FAF1: variants seen among roughly 807,000 people sequenced by gnomAD.
FAF1 encodes the protein FAS-associated factor 1.
In FAF1, 25 loss-of-function variants were observed where a neutral mutation model predicts 92.5. The observed-to-expected ratio is 0.27, with a 90% CI of 0.20 to 0.38. FAF1 has a LOEUF of 0.38. Ranked by LOEUF, FAF1 falls within the 10% of genes least tolerant of loss-of-function variation. The pLI, the probability that FAF1 is intolerant of heterozygous loss-of-function variation, is 1.00. For missense variants in FAF1, 636 were observed against 793.3 expected (o/e 0.80, Z 2.38); for synonymous variants, 234 against 273.2 (o/e 0.86, Z 1.42).
intron 17 of FAF1, among the ~76,000 whole-genome samples, chr1:50,481,725 T>G (rs952582991): frequency 6.6e-6 from 1 of 152,186 alleles, no homozygotes; most frequent in Non-Finnish European, 1.5e-5. Context: ...GGGTAAAATT[T>G]TAAATACTGT....
At chr1:50,801,821 C>T (rs2124592969) in intron 2 of FAF1, 144 bp from the exon 3 acceptor site, 2 of 551,976 alleles carry the variant, frequency 3.6e-6, no homozygotes, top group Non-Finnish European at 6.5e-6. Context: ...AAAATGTTGT[C>T]TATTAAATGT....
intron 8 of FAF1, among the ~76,000 whole-genome samples, chr1:50,613,335 A>C (rs377228131): frequency 2.6e-4 from 39 of 152,342 alleles, no homozygotes; most frequent in African/African-American, 8.2e-4. Flanking sequence ...TAAAACTACC[A>C]ATCAAAATAT....
chr1:50,775,262 C>T (rs982942911), intron 4 of FAF1, among the ~76,000 whole-genome samples: 1 of 151,890 alleles, frequency 6.6e-6, no homozygotes, highest in African/African-American at 2.4e-5. Flanking sequence ...TTTATTGAGC[C>T]ATTTGTTTCC....
chr1:50,562,378 C>G (rs958256663), intron 13 of FAF1, among the ~76,000 whole-genome samples: 1 of 152,086 alleles, frequency 6.6e-6, no homozygotes, highest in Non-Finnish European at 1.5e-5. Context: ...ATTAGCTAGC[C>G]AGCTCCCTCT....
intron 13 of FAF1, among the ~76,000 whole-genome samples, chr1:50,544,667 C>T (rs1024687907): frequency 6.6e-6 from 1 of 152,066 alleles, no homozygotes; most frequent in African/African-American, 2.4e-5. Context: ...GGGTAAACTC[C>T]AATCTGATCT....
chr1:50,891,681 TG>T (rs1219937117), intron 1 of FAF1, among the ~76,000 whole-genome samples: 3 of 152,242 alleles, frequency 2.0e-5, no homozygotes, highest in Non-Finnish European at 4.4e-5. Flanking sequence ...CGAATACTGC[TG>T]AACAGCAAAT....
intron 1 of FAF1, among the ~76,000 whole-genome samples, chr1:50,884,565 T>G (rs1188805322): frequency 6.6e-6 from 1 of 151,996 alleles, no homozygotes; most frequent in Non-Finnish European, 1.5e-5. Flanking sequence ...ACAAGCAGAT[T>G]TACTTGTGTA....
At chr1:50,612,329 AC>A (rs1652720426) in intron 8 of FAF1, 1 of 1,228,758 alleles carries the variant, frequency 8.1e-7, no homozygotes, top group South Asian at 1.4e-5. Flanking sequence ...AGGTTATTTT[AC>A]CTCAAGCAGA....
intron 2 of FAF1, among the ~76,000 whole-genome samples, chr1:50,824,564 T>C (rs1644075983): frequency 6.6e-6 from 1 of 151,886 alleles, no homozygotes; most frequent in African/African-American, 2.4e-5. Flanking sequence ...TAGAGGTTCC[T>C]CAAAAAACTA....
At chr1:50,858,444 C>T (rs1644407208) in intron 1 of FAF1, among the ~76,000 whole-genome samples, 1 of 151,794 alleles carries the variant, frequency 6.6e-6, no homozygotes, top group African/African-American at 2.4e-5. Flanking sequence ...TGTCTGATAG[C>T]CACTACCAGC....
chr1:50,579,706 T>C lies in FAF1; in HGVS notation c.1113+2912A>G, dbSNP rs376267772. 1.9e-4 allele frequency among the ~76,000 whole-genome samples: 29 copies of C among 152,206 alleles called. No individual in the cohort carries two copies. The South Asian group carries it at 4.6e-3, about 24-fold the overall frequency. ...GGAAACAATCACACAAATCCAGAATTTGGAACCATCTACAAGTCATCCGGT... is the reference window on the plus strand; with the variant it reads ...GGAAACAATCACACAAATCCAGAATCTGGAACCATCTACAAGTCATCCGGT... On this transcript the variant is annotated intron_variant, in intron 12 of 18. Transcript: ENST00000396153.
At chr1:50,737,790 A>G (rs1659202327) in intron 6 of FAF1, among the ~76,000 whole-genome samples, 1 of 152,224 alleles carries the variant, frequency 6.6e-6, no homozygotes, top group Non-Finnish European at 1.5e-5. Context: ...CCTAAAAATC[A>G]AGACATTTGG....
rs559548797 is a variant in FAF1 at position 50,508,240 on chromosome 1, C to A, written c.1495-16439G>T. On this transcript the variant is annotated intron_variant, in intron 15 of 18. Transcript: ENST00000396153. ...CAACAACTGTACTTCTAGGAATATG[C>A]CCCAAAGATCTGAAAACAGGAACTA... is the stretch of plus-strand genomic sequence containing the variant. Among the ~76,000 whole-genome samples, 27 of 152,228 alleles carry A rather than the reference C, an allele frequency of 1.8e-4. No individual in the cohort carries two copies. The South Asian group carries it at 5.0e-3, about 28-fold the overall frequency.
chr1:50,790,420 G>A (rs1246625203), intron 3 of FAF1, among the ~76,000 whole-genome samples: 1 of 152,114 alleles, frequency 6.6e-6, no homozygotes, highest in South Asian at 2.1e-4. Flanking sequence ...GATTACAGGC[G>A]TGAGCCACCG....
At chr1:50,738,417 T>C (rs1228545935) in intron 6 of FAF1, among the ~76,000 whole-genome samples, 1 of 130,420 alleles carries the variant, frequency 7.7e-6, no homozygotes, top group Non-Finnish European at 1.5e-5. Flanking sequence ...CACCTCAGTC[T>C]GGGCAACAAG....
intron 1 of FAF1, among the ~76,000 whole-genome samples, chr1:50,924,309 C>T (rs761289758): frequency 4.0e-5 from 6 of 148,298 alleles, no homozygotes; most frequent in Admixed American, 1.3e-4. Flanking sequence ...AAACCAATCC[C>T]ATTTACAATA....
intron 4 of FAF1, among the ~76,000 whole-genome samples, chr1:50,755,192 G>A (rs932265408): frequency 6.6e-6 from 1 of 152,196 alleles, no homozygotes; most frequent in Admixed American, 6.5e-5. Context: ...CTACGAGCCT[G>A]TAAAATCAAA....
At chr1:50,636,424 C>T (rs895569072) in intron 8 of FAF1, among the ~76,000 whole-genome samples, 8 of 112,616 alleles carry the variant, frequency 7.1e-5, no homozygotes, top group African/African-American at 2.8e-4. Context: ...TCTCCTCTAT[C>T]ATCCTGGCTT....
intron 15 of FAF1, 22 bp from the exon 16 acceptor site, chr1:50,491,823 A>AT: frequency 6.4e-7 from 1 of 1,563,546 alleles, no homozygotes; most frequent in Non-Finnish European, 8.7e-7. Flanking sequence ...AGATTCAAAT[A>AT]TTTTTTGACA....
Sources: allele counts gnomAD v4.1 joint callset (sites outside exome capture counted in the v4.1 genomes callset), GRCh38; gene constraint gnomAD v4.1.1; transcripts MANE v1.5; gene names NCBI Gene and HGNC (gene_info 2026-07-23, HGNC 2026-07-21).